Variants in ZDHHC14 observed in about 807,000 individuals in gnomAD.
The protein encoded by ZDHHC14 is zDHHC palmitoyltransferase 14.
ZDHHC14 carries 16 observed loss-of-function variants against 47.7 expected under a neutral mutation model. The observed-to-expected ratio is 0.34, with a 90% CI of 0.23 to 0.51. The LOEUF is 0.51. Among genes scored for constraint, ZDHHC14 ranks in the 20% least tolerant of loss-of-function variants. The probability of loss-of-function intolerance (pLI) is 0.97; values close to 1 mark genes in which losing one functional copy is unlikely to be tolerated. For synonymous variants in ZDHHC14, 293 were observed against 278.9 expected, an observed-to-expected ratio of 1.05 and a Z score of -0.50; for missense variants, 515 against 662.5, an observed-to-expected ratio of 0.78 and a Z score of 2.44.
intron 2 of ZDHHC14, among the ~76,000 whole-genome samples, chr6:157,572,311 C>T (rs1188089198): frequency 2.0e-5 from 3 of 152,046 alleles, no homozygotes; most frequent in South Asian, 2.1e-4. Context: ...AGATTTCCCC[C>T]GGGAGGCAAA....
chr6:157,573,250 C>T (rs981983063), intron 2 of ZDHHC14, among the ~76,000 whole-genome samples: 13 of 152,172 alleles, frequency 8.5e-5, no homozygotes, highest in African/African-American at 2.9e-4. Flanking sequence ...CAAGTCAGAG[C>T]GCGGTCAGGG....
Position 157,427,523 on chromosome 6 carries a change from C to T in ZDHHC14, c.245+45257C>T, listed in dbSNP as rs1010728357. On this transcript the variant is annotated intron_variant, in intron 1 of 8. Transcript: ENST00000359775. The surrounding 1 kb of genome is among the most constrained non-coding windows in gnomAD (Gnocchi z 4.4). Reference sequence around the variant, plus strand: ...GGGTTCACTCAGGGTTGGAGTTTAACAGAGCAAATGCAGGACCAGGAGGCT... The same window carrying T: ...GGGTTCACTCAGGGTTGGAGTTTAATAGAGCAAATGCAGGACCAGGAGGCT... Among the ~76,000 whole-genome samples, 4 of 151,990 alleles carry T rather than the reference C, an allele frequency of 2.6e-5. No individual in the cohort carries two copies. The highest frequency in any genetic ancestry group is 9.7e-5 in the African/African-American group (4 of 41,358).
intron 3 of ZDHHC14, among the ~76,000 whole-genome samples, 156 bp downstream of exon 3, chr6:157,593,302 A>G (rs2114893251): frequency 6.6e-6 from 1 of 152,222 alleles, no homozygotes; most frequent in Non-Finnish European, 1.5e-5. Context: ...AGAGTCACCA[A>G]ATATCTTTTT....
intron 1 of ZDHHC14, among the ~76,000 whole-genome samples, chr6:157,383,713 A>G (rs922570376): frequency 1.3e-5 from 2 of 152,152 alleles, no homozygotes; most frequent in African/African-American, 4.8e-5. Flanking sequence ...TTCCGATGGT[A>G]TGTGCAGTTC....
At chr6:157,387,630 T>C (rs1180270596) in intron 1 of ZDHHC14, among the ~76,000 whole-genome samples, 1 of 152,224 alleles carries the variant, frequency 6.6e-6, no homozygotes, top group Non-Finnish European at 1.5e-5. Flanking sequence ...CCCACTGTGG[T>C]TCCACAAGAA....
chr6:157,544,650 A>AAACAAC (rs539123195), intron 2 of ZDHHC14, among the ~76,000 whole-genome samples: 1 of 121,478 alleles, frequency 8.2e-6, no homozygotes, highest in Non-Finnish European at 1.6e-5. Flanking sequence ...ACTCTGTGTC[A>AAACAAC]AACAACAACA....
intron 3 of ZDHHC14, among the ~76,000 whole-genome samples, chr6:157,620,734 C>T (rs1204239209): frequency 1.3e-5 from 2 of 152,202 alleles, no homozygotes; most frequent in Non-Finnish European, 2.9e-5. Flanking sequence ...ACCCATCACC[C>T]GATCAGCCTG....
chr6:157,508,157 G>T (rs1021331662), intron 1 of ZDHHC14, among the ~76,000 whole-genome samples: 2 of 152,326 alleles, frequency 1.3e-5, no homozygotes, highest in Admixed American at 1.3e-4. Flanking sequence ...TACAGCTGGT[G>T]TTTTGGAGGT....
At chr6:157,507,247 T>C (rs1780349028) in intron 1 of ZDHHC14, among the ~76,000 whole-genome samples, 1 of 152,022 alleles carries the variant, frequency 6.6e-6, no homozygotes, top group Admixed American at 6.6e-5. Context: ...GGTTGTACTA[T>C]GAATATTTCC....
At chr6:157,393,025 G>A (rs544566734) in intron 1 of ZDHHC14, among the ~76,000 whole-genome samples, 4 of 152,046 alleles carry the variant, frequency 2.6e-5, no homozygotes, top group South Asian at 2.1e-4. Context: ...GATTATAGGC[G>A]TGCACCATCA....
intron 6 of ZDHHC14, 146 bp downstream of exon 6, chr6:157,645,985 AC>A: frequency 1.6e-6 from 1 of 636,774 alleles, no homozygotes; most frequent in Non-Finnish European, 2.6e-6. Context: ...TGCCGTGGAA[AC>A]TTCTCCACCT....
At chr6:157,423,315 A>G (rs1429681245) in intron 1 of ZDHHC14, among the ~76,000 whole-genome samples, 1 of 152,160 alleles carries the variant, frequency 6.6e-6, no homozygotes, top group Non-Finnish European at 1.5e-5. Context: ...TTAATTTTAA[A>G]TGTAGGAGGA....
chr6:157,439,490 A>G (rs1464090335), intron 1 of ZDHHC14, among the ~76,000 whole-genome samples: 2 of 152,206 alleles, frequency 1.3e-5, no homozygotes, highest in Non-Finnish European at 2.9e-5. Flanking sequence ...AATGACCATT[A>G]TTAAAAAGTC....
At chr6:157,404,978 G>A (rs989113857) in intron 1 of ZDHHC14, among the ~76,000 whole-genome samples, 1 of 152,280 alleles carries the variant, frequency 6.6e-6, no homozygotes, top group Admixed American at 6.5e-5. Flanking sequence ...GGTAAGAAAA[G>A]CAGCCCTCCC....
At chr6:157,508,454 C>T (rs1162651473) in intron 1 of ZDHHC14, among the ~76,000 whole-genome samples, 1 of 152,144 alleles carries the variant, frequency 6.6e-6, no homozygotes, top group Non-Finnish European at 1.5e-5. Context: ...GCTGCCTCAA[C>T]CTCCAGGCTC....
chr6:157,419,457 A>G (rs1778053736), intron 1 of ZDHHC14, among the ~76,000 whole-genome samples: 1 of 152,178 alleles, frequency 6.6e-6, no homozygotes, highest in Admixed American at 6.5e-5. Context: ...TAAATTCCCC[A>G]TACACCCTCC....
chr6:157,474,771 T>C (rs1234554765), intron 1 of ZDHHC14, among the ~76,000 whole-genome samples: 1 of 152,236 alleles, frequency 6.6e-6, no homozygotes, highest in Non-Finnish European at 1.5e-5. Context: ...AGTATTGAAT[T>C]GTTTGAGTTC....
At chr6:157,615,736 C>G (rs543557085) in intron 3 of ZDHHC14, among the ~76,000 whole-genome samples, 1 of 152,304 alleles carries the variant, frequency 6.6e-6, no homozygotes, top group African/African-American at 2.4e-5. Context: ...TCACTCAGAG[C>G]TGCTCACAAT....
chr6:157,579,193 T>TTG (rs1252539768), intron 2 of ZDHHC14, among the ~76,000 whole-genome samples: 1 of 100,278 alleles, frequency 1.0e-5, no homozygotes, highest in African/African-American at 4.5e-5. Flanking sequence ...ATTCTGTGTT[T>TTG]TTTTTTTTTT....
Sources: gnomAD v4.1 joint callset for allele counts (sites outside exome capture counted in the v4.1 genomes callset) on GRCh38, gnomAD v4.1.1 for gene constraint, Gnocchi (gnomAD v3.1) non-coding constraint, MANE v1.5 for transcripts, NCBI Gene and HGNC (gene_info 2026-07-23, HGNC 2026-07-21) for gene names.